The following PTCHD1 variants were observed in gnomAD, a reference collection of about 807,000 sequenced individuals.
PTCHD1 encodes the protein patched domain containing 1.
Under a neutral mutation model 34.6 loss-of-function variants are expected in PTCHD1, and 3 were observed. That is an observed-to-expected ratio of 0.09 (90% CI 0.04 to 0.22). PTCHD1 has a LOEUF of 0.22. Ranked by LOEUF, PTCHD1 falls within the 10% of genes least tolerant of loss-of-function variation. The pLI is 1.00. For synonymous variants in PTCHD1, 305 were observed against 283.1 expected (o/e 1.08, Z -0.77); for missense variants, 504 against 685.5 (o/e 0.74, Z 2.96).
At chrX:23,364,415 C>CACACA (rs1410768465) in intron 1 of PTCHD1, among the ~76,000 whole-genome samples, 2 of 102,329 alleles carry the variant, frequency 2.0e-5, no homozygotes, top group Non-Finnish European at 2.0e-5. Flanking sequence ...CACACACACA[C>CACACA]CGTATTCAGT....
rs1328555103 is a variant in PTCHD1 at position 23,392,965 on chromosome X, T to C, written c.1447T>C (p.Leu483=). The C allele has an allele frequency of 5.8e-6, 7 of 1,211,974 alleles. No homozygotes were observed. The highest frequency in any genetic ancestry group is 5.9e-5 in the East Asian group (2 of 33,868). Residue 483 remains leucine, a synonymous_variant, in exon 3 of 3, where the codon TTG becomes CTG. Coordinates refer to ENST00000379361, the MANE Select transcript of PTCHD1 (RefSeq NM_173495.3). ...EEANTYESHL[L]VCFLKRYYCD... ...AGCGAACACTTACGAGAGTCACCTA[T>C]TGGTATGTTTCCTCAAACGCTATTA...
chrX:23,382,809 A>G (rs968141894), intron 2 of PTCHD1, among the ~76,000 whole-genome samples: 2 of 112,606 alleles, frequency 1.8e-5, no homozygotes, highest in African/African-American at 6.4e-5. Flanking sequence ...TAGTCATAAC[A>G]TGAAAGGAAG....
chrX:23,379,544 A>G, intron 1 of PTCHD1, 47 bp from the exon 2 acceptor site: 1 of 1,179,154 alleles, frequency 8.5e-7, no homozygotes, highest in East Asian at 3.0e-5. Context: ...AAAAAATAAA[A>G]ATAGAAATAT....
chrX:23,351,017 C>A, intron 1 of PTCHD1: 2 of 344,586 alleles, frequency 5.8e-6, no homozygotes, highest in Non-Finnish European at 1.0e-5. Context: ...CCAGTAGGCT[C>A]TGTCTACTTT....
intron 1 of PTCHD1, among the ~76,000 whole-genome samples, chrX:23,365,286 A>C (rs1301735917): frequency 1.8e-5 from 2 of 112,147 alleles, no homozygotes; most frequent in African/African-American, 6.5e-5. Flanking sequence ...TGTGTGTTCA[A>C]ATATGGCTGT....
rs57194123 is a variant in PTCHD1 at position 23,350,060 on chromosome X, T to TAAAAAAAAAAAA, written c.351+14852_351+14863dup. ...CTAGGAAAGCTCCCTTTAGTGCTGTTAAAAAAAAAAAAAAAAAAAAAAAAA... is the reference window on the plus strand; with the variant it reads ...CTAGGAAAGCTCCCTTTAGTGCTGTTAAAAAAAAAAAAAAAAAAAAAAAAAAAAAAAAAAAAA... On this transcript the variant is annotated intron_variant, in intron 1 of 2. Transcript: ENST00000379361. Among the ~76,000 whole-genome samples the TAAAAAAAAAAAA allele has an allele frequency of 2.2e-4, 9 of 40,414 alleles. No homozygotes were observed. The East Asian group carries it at 2.9e-3, about 13-fold the overall frequency. 35.1% of individuals were successfully genotyped at this position (40,414 alleles called of 115,157 possible). A position where few individuals can be genotyped will look rare whatever the true frequency, so the allele number is the denominator to read the frequency against.
At chrX:23,363,377 G>T (rs962138204) in intron 1 of PTCHD1, among the ~76,000 whole-genome samples, 22 of 112,816 alleles carry the variant, frequency 2.0e-4, no homozygotes, top group African/African-American at 7.1e-4. Flanking sequence ...CCATCCCCCT[G>T]CCAGGCTGCT....
Position 23,395,907 on chromosome X carries a change from G to A in PTCHD1, c.*1722G>A, listed in dbSNP as rs976631928. The A allele has an allele frequency of 1.3e-4, 14 of 111,429 alleles. No individual in the cohort carries two copies. Among genetic ancestry groups the A allele is most frequent in the Non-Finnish European group, 2.3e-4 (12 of 53,047 alleles). The allele number at this position is 111,429 out of a possible 1,213,427, so 9.2% of individuals were successfully genotyped here. ...CTAGGAGAATAAAGTGACTCACTCA[G>A]GTCACACCACTAAAGGGTTTTCATC... On this transcript the variant is annotated 3_prime_UTR_variant, in exon 3 of 3. Coordinates refer to ENST00000379361, the MANE Select transcript of PTCHD1 (RefSeq NM_173495.3).
intron 1 of PTCHD1, among the ~76,000 whole-genome samples, chrX:23,356,403 G>A (rs1358846380): frequency 8.9e-6 from 1 of 112,128 alleles, no homozygotes; most frequent in African/African-American, 3.2e-5. Context: ...TCCTGGAGGA[G>A]GTTACGCCTA....
At chrX:23,374,037 G>A (rs973468628) in intron 1 of PTCHD1, among the ~76,000 whole-genome samples, 3 of 109,815 alleles carry the variant, frequency 2.7e-5, no homozygotes, top group African/African-American at 9.9e-5. Flanking sequence ...GGAAGGGGGT[G>A]GAAACGTGAG....
At position 23,360,565 on chromosome X, in the gene PTCHD1, GTCTA is replaced by G. The variant is rs780343132; in HGVS notation, c.352-19020_352-19017del. ...TTCTTCTTTATTAGTGTTGCTAGTG[GTCTA>G]TCTATTTTGTTGATCTTTTCAAAAA... On this transcript the variant is annotated intron_variant, in intron 1 of 2. Transcript: ENST00000379361. Among the ~76,000 whole-genome samples the G allele has an allele frequency of 6.1e-4, 68 of 111,231 alleles. 1 individual carries two copies. In the South Asian group the frequency reaches 0.021, roughly 34 times the overall value.
chrX:23,369,787 A>G (rs1393564686), intron 1 of PTCHD1, among the ~76,000 whole-genome samples: 5 of 111,470 alleles, frequency 4.5e-5, no homozygotes, highest in Non-Finnish European at 9.4e-5. Context: ...ACAATTTTCA[A>G]ACTTGGAGCT....
chrX:23,370,846 G>A (rs1023913745), intron 1 of PTCHD1, among the ~76,000 whole-genome samples: 1 of 111,374 alleles, frequency 9.0e-6, no homozygotes, highest in East Asian at 2.8e-4. Flanking sequence ...TTAAAACGAC[G>A]GGAATGAGAA....
chrX:23,358,141 T>C lies in PTCHD1; in HGVS notation c.352-21450T>C, dbSNP rs751729310. 3.6e-3 allele frequency among the ~76,000 whole-genome samples: 401 copies of C among 111,856 alleles called. 2 individuals are homozygous for C. Among genetic ancestry groups the C allele is most frequent in the African/African-American group, 0.012 (380 of 30,766 alleles). On this transcript the variant is annotated intron_variant, in intron 1 of 2. Coordinates refer to ENST00000379361, the MANE Select transcript of PTCHD1 (RefSeq NM_173495.3). ...CATACGGGTGCATGTGTCTTTATAG[T>C]AGCATGATTTATAATCCTTTGGGTA...
In PTCHD1 at chrX:23,393,854, A is replaced by G; in HGVS notation, c.2336A>G (p.Lys779Arg). ...ATGTTATCCACATTTGTTCTGGGCA[A>G]GGATTTCACAAGAACTAAATGGGTA... ...APMLSTFVLG[K>R]DFTRTKWVKN... The change falls in exon 3 of 3, where the codon AAG (lysine) becomes AGG (arginine). Residue 779 changes from lysine to arginine, a missense_variant. Transcript: ENST00000379361. The G allele has an allele frequency of 8.3e-7, 1 of 1,211,736 alleles. No individual in the cohort carries two copies. Among genetic ancestry groups the G allele is most frequent in the Non-Finnish European group, 1.1e-6 (1 of 895,364 alleles).
At position 23,393,816 on chromosome X, in the gene PTCHD1, C is replaced by A; in HGVS notation, c.2298C>A (p.Asp766Glu). The A allele has an allele frequency of 1.7e-6, 2 of 1,210,724 alleles. No homozygotes were observed. Among genetic ancestry groups the A allele is most frequent in the Non-Finnish European group, 2.2e-6 (2 of 894,622 alleles). Reference protein sequence around the residue: ...CLIYGINYTIDNCAPMLSTFV... With the variant: ...CLIYGINYTIENCAPMLSTFV... ...TTTATGGAATTAATTACACAATTGA[C>A]AATTGTGCTCCAATGTTATCCACAT... is the stretch of plus-strand genomic sequence containing the variant. Residue 766 changes from aspartate to glutamate, a missense_variant, in exon 3 of 3, where the codon GAC (aspartate) becomes GAA (glutamate). Physicochemically the swap from Asp to Glu is conservative, Grantham distance 45. Transcript: ENST00000379361.
At chrX:23,361,349 T>A (rs1273085892) in intron 1 of PTCHD1, among the ~76,000 whole-genome samples, 1 of 112,236 alleles carries the variant, frequency 8.9e-6, no homozygotes, top group Non-Finnish European at 1.9e-5. Flanking sequence ...TGGGTGCATA[T>A]ATATTTAGGA....
At chrX:23,374,643 G>A (rs1334019168) in intron 1 of PTCHD1, among the ~76,000 whole-genome samples, 9 of 106,165 alleles carry the variant, frequency 8.5e-5, no homozygotes, top group South Asian at 4.2e-4. Flanking sequence ...ATTCTTTACC[G>A]TTTTCCTTCT....
intron 1 of PTCHD1, chrX:23,351,414 A>C (rs1210816483): frequency 5.1e-6 from 3 of 588,238 alleles, no homozygotes; most frequent in African/African-American, 2.2e-5. Context: ...AAAACTTTCA[A>C]AGATGACTAG....
Sources: allele counts gnomAD v4.1 joint callset (sites outside exome capture counted in the v4.1 genomes callset), GRCh38; gene constraint gnomAD v4.1.1; transcripts MANE v1.5; gene names NCBI Gene and HGNC (gene_info 2026-07-23, HGNC 2026-07-21).